RNASE4: variants seen among roughly 807,000 people sequenced by gnomAD.
The protein encoded by RNASE4 is ribonuclease A family member 4.
For synonymous variants in RNASE4, 93 were observed against 71.4 expected, an observed-to-expected ratio of 1.30 and a Z score of -1.52; for missense variants, 194 against 192.8, an observed-to-expected ratio of 1.01 and a Z score of -0.04.
intron 1 of RNASE4, among the ~76,000 whole-genome samples, chr14:20,689,566 G>GA (rs1311943554): frequency 1.1e-4 from 17 of 152,244 alleles, no homozygotes; most frequent in Admixed American, 1.1e-3. Flanking sequence ...GAGAGGGAGA[G>GA]AATAATTCTT....
rs754186891 is a variant in RNASE4 at position 20,699,859 on chromosome 14, T to G, written c.*44T>G. The stretch of plus-strand genomic sequence containing the variant: ...TATCGCGAGTGGTTGACCTTACACT[T>G]ACTCCTTAAATAGCAGTGAGTAATG... On this transcript the variant is annotated 3_prime_UTR_variant, in exon 2 of 2. Transcript: ENST00000555835. 6.5e-7 allele frequency: 1 copy of G among 1,538,600 alleles called. No individual in the cohort carries two copies. Among genetic ancestry groups the G allele is most frequent in the Non-Finnish European group, 8.9e-7 (1 of 1,117,646 alleles).
intron 1 of RNASE4, among the ~76,000 whole-genome samples, chr14:20,687,528 G>T (rs530303074): frequency 6.6e-6 from 1 of 152,128 alleles, no homozygotes; most frequent in Non-Finnish European, 1.5e-5. Flanking sequence ...ACCGCTTTTC[G>T]GGACTCAGAG....
intron 1 of RNASE4, chr14:20,688,556 G>T: frequency 2.7e-6 from 1 of 372,574 alleles, no homozygotes; most frequent in Non-Finnish European, 3.7e-6. Flanking sequence ...GCAGAAAAGG[G>T]CAACTTTTGG....
chr14:20,692,483 G>A (rs532057509), intron 1 of RNASE4, among the ~76,000 whole-genome samples: 37 of 152,248 alleles, frequency 2.4e-4, no homozygotes, highest in Non-Finnish European at 5.3e-4. Flanking sequence ...TCTGTGGCCT[G>A]TCCGCCTAAG....
chr14:20,694,715 G>A (rs78160595), intron 1 of RNASE4, among the ~76,000 whole-genome samples: 3,093 of 152,246 alleles, frequency 0.02, 95 homozygotes, highest in African/African-American at 0.067. Flanking sequence ...TCCAGGGCTC[G>A]TAGCTACTAA....
chr14:20,693,222 A>G lies in RNASE4; in HGVS notation c.-17-6133A>G, dbSNP rs4982327. On this transcript the variant is annotated intron_variant, in intron 1 of 1. Transcript: ENST00000555835. ...CCCAGTAGAGACCTATGTAATGTTC[A>G]TTATTCAATTAATAAATACATGAAT... Among the ~76,000 whole-genome samples the G allele has an allele frequency of 1, 151,733 of 152,366 alleles. 75,554 individuals are homozygous for G. Among genetic ancestry groups the G allele is most frequent in the Non-Finnish European group, 1 (68,046 of 68,046 alleles).
chr14:20,699,715 C>T lies in RNASE4; in HGVS notation c.344C>T (p.Ser115Phe). ...KVTDCRDTGS[S>F]RAPNCRYRAI... ...ACAGATTGCAGGGACACAGGAAGTT[C>T]CAGGGCACCCAACTGCAGATATCGG... is the stretch of plus-strand genomic sequence containing the variant. Residue 115 changes from serine (S) to phenylalanine (F), a missense_variant, in exon 2 of 2, where the codon TCC (serine) becomes TTC (phenylalanine). By Grantham distance (155) the Ser-to-Phe change is radical. Transcript: ENST00000555835. 6.2e-7 allele frequency: 1 copy of T among 1,610,140 alleles called. No homozygotes were observed. Among genetic ancestry groups the T allele is most frequent in the East Asian group, 2.2e-5 (1 of 44,892 alleles).
intron 1 of RNASE4, among the ~76,000 whole-genome samples, chr14:20,691,345 A>C (rs1015794187): frequency 6.6e-6 from 1 of 152,216 alleles, no homozygotes; most frequent in Non-Finnish European, 1.5e-5. Context: ...GTATTTGTTC[A>C]TTACAGAGCA....
At position 20,699,406 on chromosome 14, in the gene RNASE4, T is replaced by C; in HGVS notation, c.35T>C (p.Leu12Pro). The change falls in exon 2 of 2, where the codon CTT becomes CCT. Residue 12 changes from leucine to proline, a missense_variant. Coordinates refer to ENST00000555835, the MANE Select transcript of RNASE4 (RefSeq NM_002937.5). Reference sequence around the variant, plus strand: ...CAGAGGACCCATTCATTGCTTCTGCTTTTGCTGCTGACCCTGCTGGGGCTG... The same window carrying C: ...CAGAGGACCCATTCATTGCTTCTGCCTTTGCTGCTGACCCTGCTGGGGCTG... ...ALQRTHSLLL[L>P]LLLTLLGLGL... The C allele has an allele frequency of 6.2e-7, 1 of 1,608,090 alleles. No homozygotes were observed. Among genetic ancestry groups the C allele is most frequent in the Non-Finnish European group, 8.5e-7 (1 of 1,176,126 alleles).
rs1887244288 is a variant in RNASE4 at position 20,700,054 on chromosome 14, A to G, written c.*239A>G. 7.5e-6 allele frequency: 4 copies of G among 536,122 alleles called. No homozygotes were observed. Among genetic ancestry groups the G allele is most frequent in the Non-Finnish European group, 1.4e-5 (4 of 292,182 alleles). 33.2% of individuals were successfully genotyped at this position (536,122 alleles called of 1,614,324 possible). Reference sequence around the variant, plus strand: ...TTCCTTTTATAATACTGGTCAGCTTAGCTCTCTCAGATCCTATCCTGTGGA... The same window carrying G: ...TTCCTTTTATAATACTGGTCAGCTTGGCTCTCTCAGATCCTATCCTGTGGA... On this transcript the variant is annotated 3_prime_UTR_variant, in exon 2 of 2. Coordinates refer to ENST00000555835, the MANE Select transcript of RNASE4 (RefSeq NM_002937.5).
chr14:20,696,238 G>A (rs78113061), intron 1 of RNASE4, among the ~76,000 whole-genome samples: 3,597 of 152,262 alleles, frequency 0.024, 60 homozygotes, highest in Non-Finnish European at 0.033. Flanking sequence ...GGAAATCGCT[G>A]TTTCATAGGA....
At chr14:20,693,447 T>A (rs1310292295) in intron 1 of RNASE4, 1 of 1,488,000 alleles carries the variant, frequency 6.7e-7, no homozygotes, top group Non-Finnish European at 9.2e-7. Context: ...GGAAAAGATC[T>A]GATTCATGAT....
rs1887263735 is a variant in RNASE4 at position 20,700,668 on chromosome 14, T to G, written c.*853T>G. ...TTCTTGTTTAGTTTATAAACATGCA[T>G]GCACCTTAATAACCTCATAAACTCT... On this transcript the variant is annotated 3_prime_UTR_variant, in exon 2 of 2. Coordinates refer to ENST00000555835, the MANE Select transcript of RNASE4 (RefSeq NM_002937.5). The G allele has an allele frequency of 6.0e-6, 1 of 166,934 alleles. No individual in the cohort carries two copies. 10.3% of individuals were successfully genotyped at this position (166,934 alleles called of 1,614,324 possible). A position where few individuals can be genotyped will look rare whatever the true frequency, so the allele number is the denominator to read the frequency against.
At position 20,699,689 on chromosome 14, in the gene RNASE4, C is replaced by T; in HGVS notation, c.318C>T (p.Val106=). ...ACTGCCATGAGGGTGTAGTGAAGGTCACAGATTGCAGGGACACAGGAAGTT... is the reference window on the plus strand; with the variant it reads ...ACTGCCATGAGGGTGTAGTGAAGGTTACAGATTGCAGGGACACAGGAAGTT... The part of the protein sequence containing the change: ...KMNCHEGVVK[V]TDCRDTGSSR... Residue 106 remains valine (V), a synonymous_variant, in exon 2 of 2, where the codon GTC becomes GTT. Coordinates refer to ENST00000555835, the MANE Select transcript of RNASE4 (RefSeq NM_002937.5). The T allele has an allele frequency of 2.5e-6, 4 of 1,610,130 alleles. No homozygotes were observed. In the South Asian group the frequency reaches 3.3e-5, roughly 13 times the overall value.
intron 1 of RNASE4, among the ~76,000 whole-genome samples, chr14:20,694,867 T>TACAC (rs10625796): frequency 0.055 from 8,253 of 151,262 alleles, 250 homozygotes; most frequent in Middle Eastern, 0.1. Flanking sequence ...CTCTCACTCT[T>TACAC]ACACACACAC....
rs370454942 is a variant in RNASE4 at position 20,699,604 on chromosome 14, T to A, written c.233T>A (p.Ile78Asn). The change falls in exon 2 of 2, where the codon ATC becomes AAC. Residue 78 changes from isoleucine to asparagine, a missense_variant. By Grantham distance (149) the Ile-to-Asn change is moderately radical. Coordinates refer to ENST00000555835, the MANE Select transcript of RNASE4 (RefSeq NM_002937.5). ...TTCAACACCTTCATCCATGAAGATA[T>A]CTGGAACATTCGTAGTATCTGCAGC... is the stretch of plus-strand genomic sequence containing the variant. ...KRFNTFIHED[I>N]WNIRSICSTT... 6 of 1,613,962 alleles carry A rather than the reference T, an allele frequency of 3.7e-6. No individual in the cohort carries two copies. The African/African-American group carries it at 4.0e-5, about 11-fold the overall frequency.
Position 20,699,368 on chromosome 14 carries a change from A to T in RNASE4, c.-4A>T. On this transcript the variant is annotated 5_prime_UTR_variant, in exon 2 of 2. Coordinates refer to ENST00000555835, the MANE Select transcript of RNASE4 (RefSeq NM_002937.5). ...TTTCTTTTCTAGGCACCTCTAAGAT[A>T]CTGATGGCTCTGCAGAGGACCCATT... The T allele has an allele frequency of 1.9e-6, 3 of 1,585,048 alleles. No individual in the cohort carries two copies. The highest frequency in any genetic ancestry group is 2.6e-6 in the Non-Finnish European group (3 of 1,163,990).
chr14:20,693,851 G>A (rs1886953712), intron 1 of RNASE4: 1 of 1,614,208 alleles, frequency 6.2e-7, no homozygotes, highest in Non-Finnish European at 8.5e-7. Context: ...CTAAGAATAA[G>A]CAAGTCTTCT....
At chr14:20,688,217 A>C (rs75343336) in intron 1 of RNASE4, among the ~76,000 whole-genome samples, 7,069 of 152,222 alleles carry the variant, frequency 0.046, 513 homozygotes, top group African/African-American at 0.16. Context: ...AGTTGAGTGT[A>C]GGGGGAGGGG....
Sources: gnomAD v4.1 joint callset for allele counts (sites outside exome capture counted in the v4.1 genomes callset) on GRCh38, gnomAD v4.1.1 for gene constraint, MANE v1.5 for transcripts, NCBI Gene and HGNC (gene_info 2026-07-23, HGNC 2026-07-21) for gene names.